DSCAM: variants seen among roughly 807,000 people sequenced by gnomAD.
DSCAM encodes the protein cell adhesion molecule DSCAM.
Under a neutral mutation model 217.7 loss-of-function variants are expected in DSCAM, and 47 were observed. The observed-to-expected ratio is 0.22, with a 90% CI of 0.17 to 0.28. The LOEUF (loss-of-function observed/expected upper bound fraction) is 0.28. Among genes scored for constraint, DSCAM ranks in the 10% least tolerant of loss-of-function variants. The probability of loss-of-function intolerance (pLI) is 1.00; values close to 1 mark genes in which losing one functional copy is unlikely to be tolerated. For synonymous variants in DSCAM, 1,056 were observed against 1,015.3 expected, an observed-to-expected ratio of 1.04 and a Z score of -0.76; for missense variants, 2,080 against 2,618.3, an observed-to-expected ratio of 0.79 and a Z score of 4.49.
intron 3 of DSCAM, among the ~76,000 whole-genome samples, chr21:40,627,371 A>G (rs1265147336): frequency 1.3e-5 from 2 of 152,226 alleles, no homozygotes; most frequent in African/African-American, 2.4e-5. Flanking sequence ...GAAAACCACA[A>G]GGGCAAATCC....
chr21:40,215,940 TAA>T (rs5844006), intron 11 of DSCAM, among the ~76,000 whole-genome samples: 127 of 144,072 alleles, frequency 8.8e-4, no homozygotes, highest in Admixed American at 8.9e-4. Flanking sequence ...TCTTCTCCTT[TAA>T]AAAAAAAAAA....
At chr21:40,554,506 C>A (rs550534879) in intron 3 of DSCAM, among the ~76,000 whole-genome samples, 2 of 152,012 alleles carry the variant, frequency 1.3e-5, no homozygotes, top group Non-Finnish European at 2.9e-5. Flanking sequence ...GAGCCAATTT[C>A]GACAGTCATC....
At position 40,244,189 on chromosome 21, in the gene DSCAM, G is replaced by A. The variant is rs530674175; in HGVS notation, c.2356+31908C>T. 2.6e-5 allele frequency among the ~76,000 whole-genome samples: 4 copies of A among 152,242 alleles called. No homozygotes were observed. The East Asian group carries it at 5.8e-4, about 22-fold the overall frequency. On this transcript the variant is annotated intron_variant, in intron 11 of 32. Coordinates refer to ENST00000400454, the MANE Select transcript of DSCAM (RefSeq NM_001389.5). ...ATTGTGACCGGGAAGAGTGGTTCAC[G>A]CCTGTAATCCCAACACTTTGGGAGG... is the stretch of plus-strand genomic sequence containing the variant.
chr21:40,766,897 G>T (rs954900067), intron 1 of DSCAM, among the ~76,000 whole-genome samples: 11 of 152,088 alleles, frequency 7.2e-5, no homozygotes, highest in Admixed American at 6.5e-4. Context: ...TGTTGGCCAG[G>T]CTGATCTCGA....
chr21:40,072,538 C>T (rs113847091), intron 27 of DSCAM, among the ~76,000 whole-genome samples: 16,233 of 151,750 alleles, frequency 0.11, 2,169 homozygotes, highest in African/African-American at 0.32. Context: ...TTAGTAGAGA[C>T]GGGGTTTCAC....
chr21:40,378,324 G>A (rs2123721398), intron 3 of DSCAM, among the ~76,000 whole-genome samples: 1 of 152,254 alleles, frequency 6.6e-6, no homozygotes, highest in African/African-American at 2.4e-5. Context: ...TTGAAAATAA[G>A]TGGTCTTGAC....
At chr21:40,068,628 G>T (rs1050087602) in intron 27 of DSCAM, among the ~76,000 whole-genome samples, 2 of 152,074 alleles carry the variant, frequency 1.3e-5, no homozygotes, top group African/African-American at 4.8e-5. Flanking sequence ...ACTTAATATT[G>T]ATGAGACAAC....
chr21:40,687,509 C>A (rs187029574), intron 3 of DSCAM, among the ~76,000 whole-genome samples: 2 of 152,020 alleles, frequency 1.3e-5, no homozygotes, highest in African/African-American at 4.8e-5. Flanking sequence ...GCAGAGGCCC[C>A]CCACAGCATG....
intron 20 of DSCAM, among the ~76,000 whole-genome samples, chr21:40,123,297 T>C (rs1360736465): frequency 6.6e-6 from 1 of 152,204 alleles, no homozygotes; most frequent in Non-Finnish European, 1.5e-5. Context: ...TTTTACGTTA[T>C]GTGTATTTTA....
In DSCAM at chr21:40,685,268, T is replaced by G. The variant is rs61345957; in HGVS notation, c.508+7542A>C. On this transcript the variant is annotated intron_variant, in intron 3 of 32. Transcript: ENST00000400454. ...ACAGTAGGTCTGAGACTGTCAGTCT[T>G]ATGAAGGGCTGCTTGCAGGACTGTC... 9.9e-3 allele frequency among the ~76,000 whole-genome samples: 1,505 copies of G among 152,314 alleles called. 21 individuals carry two copies. The highest frequency in any genetic ancestry group is 0.034 in the African/African-American group (1,432 of 41,564).
chr21:40,428,742 A>C (rs968839515), intron 3 of DSCAM, among the ~76,000 whole-genome samples: 5 of 152,056 alleles, frequency 3.3e-5, no homozygotes. Flanking sequence ...TGTGTGTTTC[A>C]GCTGGCCGCT....
intron 1 of DSCAM, among the ~76,000 whole-genome samples, chr21:40,812,634 G>A (rs141049982): frequency 1.4e-4 from 22 of 152,326 alleles, no homozygotes; most frequent in African/African-American, 3.8e-4. Context: ...TTGAGAGTTC[G>A]AAGTGGATAT....
intron 3 of DSCAM, among the ~76,000 whole-genome samples, chr21:40,654,877 T>C (rs1054292217): frequency 6.6e-6 from 1 of 152,072 alleles, no homozygotes; most frequent in South Asian, 2.1e-4. Context: ...CTTCCAGAAA[T>C]TAGGACACGC....
chr21:40,841,269 G>C (rs1282399688), intron 1 of DSCAM, among the ~76,000 whole-genome samples: 1 of 152,032 alleles, frequency 6.6e-6, no homozygotes, highest in African/African-American at 2.4e-5. Flanking sequence ...CAGACCTTGC[G>C]TCACCTGCAG....
chr21:40,687,407 A>G (rs772663450), intron 3 of DSCAM, among the ~76,000 whole-genome samples: 2 of 152,152 alleles, frequency 1.3e-5, no homozygotes, highest in African/African-American at 2.4e-5. Context: ...AGCATAGCAG[A>G]TGTCTGGAAA....
At chr21:40,495,288 C>T (rs2076108860) in intron 3 of DSCAM, among the ~76,000 whole-genome samples, 3 of 152,076 alleles carry the variant, frequency 2.0e-5, no homozygotes, top group South Asian at 2.1e-4. Context: ...AAATTGCAGG[C>T]CCGTATCCTA....
At chr21:40,613,097 C>T (rs1333175948) in intron 3 of DSCAM, among the ~76,000 whole-genome samples, 1 of 152,126 alleles carries the variant, frequency 6.6e-6, no homozygotes, top group African/African-American at 2.4e-5. Flanking sequence ...TTGATTCAGC[C>T]TCAGAAAGAA....
At chr21:40,102,717 C>T (rs545768889) in intron 20 of DSCAM, among the ~76,000 whole-genome samples, 2 of 152,336 alleles carry the variant, frequency 1.3e-5, no homozygotes, top group South Asian at 2.1e-4. Flanking sequence ...TAAAACTAGA[C>T]GTTTACCCAA....
intron 3 of DSCAM, among the ~76,000 whole-genome samples, chr21:40,405,433 T>C (rs1175964241): frequency 6.6e-6 from 1 of 151,888 alleles, no homozygotes; most frequent in Non-Finnish European, 1.5e-5. Context: ...CCACATGGCA[T>C]TGGTCTGGGC....
Sources: gnomAD v4.1 joint callset for allele counts (sites outside exome capture counted in the v4.1 genomes callset) on GRCh38, gnomAD v4.1.1 for gene constraint, MANE v1.5 for transcripts, NCBI Gene and HGNC (gene_info 2026-07-23, HGNC 2026-07-21) for gene names.